TOPBP1: variants seen among roughly 807,000 people sequenced by gnomAD.
TOPBP1 encodes the protein DNA topoisomerase 2-binding protein 1.
In TOPBP1, 28 loss-of-function variants were observed where a neutral mutation model predicts 167.7. The ratio of observed to expected loss-of-function variants is 0.17; its 90% CI spans 0.12 to 0.23. The LOEUF (loss-of-function observed/expected upper bound fraction) is 0.23, where lower values mean the gene tolerates loss of function less well. Ranked by LOEUF, TOPBP1 falls within the 10% of genes least tolerant of loss-of-function variation. The probability of loss-of-function intolerance (pLI) is 1.00; values close to 1 mark genes in which losing one functional copy is unlikely to be tolerated. For synonymous variants in TOPBP1, 598 were observed against 611.4 expected (o/e 0.98, Z 0.32); for missense variants, 1,554 against 1,809.6 (o/e 0.86, Z 2.56).
rs543468689 is a variant in TOPBP1, at chr3:133,639,097, G to C, written c.2233+862C>G. ...AACTAGAAATACCATTTGACCCAGC[G>C]ATCCCATTACTGGGTATATACCCAA... On this transcript the variant is annotated intron_variant, in intron 13 of 27. Transcript: ENST00000260810. Among the ~76,000 whole-genome samples, 358 of 152,192 alleles carry C rather than the reference G, an allele frequency of 2.4e-3. 1 individual carries two copies. Among genetic ancestry groups the C allele is most frequent in the Middle Eastern group, 0.014 (4 of 294 alleles).
chr3:133,638,120 T>A lies in TOPBP1; in HGVS notation c.2276A>T (p.Asn759Ile). Residue 759 changes from asparagine (N) to isoleucine (I), a missense_variant, in exon 14 of 28, where the codon AAT becomes ATT. Asn to Ile is a moderately radical substitution (Grantham distance 149, BLOSUM62 -3). Transcript: ENST00000260810. ...GCCAGGATGCTCTGCAGTATCTGAA[T>A]TTAGATTGATTCCATTTGTTATTTC... ...ETEITNGINL[N>I]SDTAEHPGTR... The A allele has an allele frequency of 3.7e-6, 6 of 1,613,998 alleles. No homozygotes were observed. The highest frequency in any genetic ancestry group is 5.1e-6 in the Non-Finnish European group (6 of 1,179,866).
At chr3:133,627,785 T>C (rs943865290) in intron 16 of TOPBP1, among the ~76,000 whole-genome samples, 4 of 152,084 alleles carry the variant, frequency 2.6e-5, no homozygotes, top group Admixed American at 1.3e-4. Flanking sequence ...CAATTCTGGA[T>C]ACTGATGCCA....
chr3:133,636,759 G>A (rs1333042731), intron 14 of TOPBP1, among the ~76,000 whole-genome samples: 1 of 152,158 alleles, frequency 6.6e-6, no homozygotes, highest in Non-Finnish European at 1.5e-5. Flanking sequence ...GAATAATGAA[G>A]CCGAAAGAGG....
At chr3:133,617,498 C>T (rs1934938556) in intron 21 of TOPBP1, 172 bp from the exon 22 acceptor site, 1 of 546,440 alleles carries the variant, frequency 1.8e-6, no homozygotes, top group Non-Finnish European at 2.9e-6. Context: ...AAATGCATCC[C>T]ATCTGCATGT....
chr3:133,635,367 C>T (rs55662389), intron 14 of TOPBP1, among the ~76,000 whole-genome samples: 8 of 152,274 alleles, frequency 5.3e-5, no homozygotes, highest in African/African-American at 9.6e-5. Flanking sequence ...CATCTTGCTG[C>T]CTCACCCTCC....
Position 133,601,224 on chromosome 3 carries a change from G to A in TOPBP1, c.*26C>T, listed in dbSNP as rs1409115341. ...CTTTCAATTTTTAAAAACATTTAAT[G>A]TTTGGTAACTAAAGGGTAGATGCGA... On this transcript the variant is annotated 3_prime_UTR_variant, in exon 28 of 28. Transcript: ENST00000260810. 1.9e-6 allele frequency: 3 copies of A among 1,568,602 alleles called. No individual in the cohort carries two copies. Among genetic ancestry groups the A allele is most frequent in the Non-Finnish European group, 2.6e-6 (3 of 1,164,278 alleles).
intron 13 of TOPBP1, 124 bp downstream of exon 13, chr3:133,639,835 T>C (rs1230736646): frequency 1.1e-6 from 1 of 882,652 alleles, no homozygotes; most frequent in Non-Finnish European, 1.7e-6. Context: ...ACTGAGACCC[T>C]CACTGCACCC....
chr3:133,617,166 T>C lies in TOPBP1; in HGVS notation c.3753A>G (p.Arg1251=). The C allele has an allele frequency of 6.2e-7, 1 of 1,607,530 alleles. No homozygotes were observed. Among genetic ancestry groups the C allele is most frequent in the Non-Finnish European group, 8.5e-7 (1 of 1,178,006 alleles). The change falls in exon 22 of 28, where the codon AGA becomes AGG. Residue 1251 remains arginine (R), a synonymous_variant. Coordinates refer to ENST00000260810, the MANE Select transcript of TOPBP1 (RefSeq NM_007027.4). ...ATATTAAGGATCAACAAACCTTTTC[T>C]CTAGGGTGCGGAGCCACAGGGGGGT... ...LANPPVAPHP[R]EKIITIEETH...
At chr3:133,603,965 A>G (rs905292272) in intron 27 of TOPBP1, among the ~76,000 whole-genome samples, 4 of 151,926 alleles carry the variant, frequency 2.6e-5, no homozygotes, top group African/African-American at 9.7e-5. Flanking sequence ...AAAGAATTAA[A>G]ATTATAGAGT....
intron 23 of TOPBP1, among the ~76,000 whole-genome samples, chr3:133,615,530 G>T (rs944566745): frequency 6.6e-6 from 1 of 152,056 alleles, no homozygotes; most frequent in African/African-American, 2.4e-5. Context: ...CTCTTTCCAT[G>T]CTGAGCTGCC....
intron 9 of TOPBP1, 41 bp from the exon 10 acceptor site, chr3:133,649,674 A>G (rs1936216631): frequency 1.2e-6 from 2 of 1,603,332 alleles, no homozygotes; most frequent in Non-Finnish European, 1.7e-6. Context: ...TGCAAGCTAT[A>G]AAGACCATCA....
At position 133,620,189 on chromosome 3, in the gene TOPBP1, G is replaced by A. The variant is rs751699737; in HGVS notation, c.3337C>T (p.Arg1113Cys). 19 of 1,613,720 alleles carry A rather than the reference G, an allele frequency of 1.2e-5. No individual in the cohort carries two copies. The African/African-American group carries it at 1.2e-4, about 10-fold the overall frequency. Residue 1113 changes from arginine (R) to cysteine (C), a missense_variant, in exon 20 of 28, where the codon CGC becomes TGC. By Grantham distance (180) the Arg-to-Cys change is radical. Transcript: ENST00000260810. Reference protein sequence around the residue: ...SSTPDSTRSARSGRSRVLEAL... With the variant: ...SSTPDSTRSACSGRSRVLEAL... ...TCTAGGACTCTACTTCGTCCACTGC[G>A]AGCAGAGCGAGTGCTGTCAGGGGTT...
At chr3:133,659,280 A>T in intron 2 of TOPBP1, 130 bp from the exon 3 acceptor site, 2 of 897,996 alleles carry the variant, frequency 2.2e-6, no homozygotes, top group Non-Finnish European at 3.2e-6. Flanking sequence ...AGACCTCTGC[A>T]GAAGGCTCCC....
At chr3:133,620,893 T>C (rs1222621567) in intron 19 of TOPBP1, among the ~76,000 whole-genome samples, 2 of 152,016 alleles carry the variant, frequency 1.3e-5, no homozygotes, top group African/African-American at 4.8e-5. Flanking sequence ...AGACATTTCA[T>C]CAAGACCTGT....
chr3:133,613,564 G>A (rs551994350), intron 23 of TOPBP1, among the ~76,000 whole-genome samples: 3 of 152,284 alleles, frequency 2.0e-5, no homozygotes, highest in South Asian at 2.1e-4. Context: ...CAGACCAACA[G>A]AGAAGCTTGG....
At chr3:133,637,764 C>T (rs1935727269) in intron 14 of TOPBP1, 112 bp downstream of exon 14, 1 of 1,143,588 alleles carries the variant, frequency 8.7e-7, no homozygotes, top group Non-Finnish European at 1.2e-6. Flanking sequence ...ATCTACTTGC[C>T]AATGTCTCTG....
chr3:133,627,881 A>G (rs1935317847), intron 16 of TOPBP1, among the ~76,000 whole-genome samples: 1 of 152,112 alleles, frequency 6.6e-6, no homozygotes, highest in South Asian at 2.1e-4. Flanking sequence ...GTTTAAAAAA[A>G]AAAAAAGATA....
chr3:133,642,284 T>C (rs1034087135), intron 12 of TOPBP1, among the ~76,000 whole-genome samples: 1 of 152,188 alleles, frequency 6.6e-6, no homozygotes, highest in Non-Finnish European at 1.5e-5. Context: ...GCCACTGTGC[T>C]TGGCCTATTT....
chr3:133,649,252 G>A (rs759300674), intron 10 of TOPBP1, 131 bp downstream of exon 10: 9 of 1,295,520 alleles, frequency 6.9e-6, no homozygotes, highest in Non-Finnish European at 9.3e-6. Context: ...AAAGTTATGA[G>A]GAAAATTTTA....
Sources: gnomAD v4.1 joint callset for allele counts (sites outside exome capture counted in the v4.1 genomes callset) on GRCh38, gnomAD v4.1.1 for gene constraint, MANE v1.5 for transcripts, NCBI Gene and HGNC (gene_info 2026-07-23, HGNC 2026-07-21) for gene names.